Variants in SLC25A26 observed in about 807,000 individuals in gnomAD.
The protein encoded by SLC25A26 is mitochondrial S-adenosylmethionine carrier protein.
SLC25A26 carries 36 observed loss-of-function variants against 37.8 expected under a neutral mutation model. The ratio of observed to expected loss-of-function variants is 0.95; its 90% CI spans 0.73 to 1.26. The LOEUF is 1.26. SLC25A26 is among the 50% of genes most tolerant of loss of function. The pLI, the probability that SLC25A26 is intolerant of heterozygous loss-of-function variation, is 0.00. For synonymous variants in SLC25A26, 129 were observed against 122.5 expected, an observed-to-expected ratio of 1.05 and a Z score of -0.35; for missense variants, 390 against 331.1, an observed-to-expected ratio of 1.18 and a Z score of -1.38.
At chr3:66,334,829 G>A (rs1336032888) in intron 5 of SLC25A26, among the ~76,000 whole-genome samples, 4 of 151,432 alleles carry the variant, frequency 2.6e-5, no homozygotes, top group African/African-American at 9.7e-5. Flanking sequence ...TGTGATGTAT[G>A]CCACCGAGAT....
At chr3:66,207,237 G>T (rs1013315600) in intron 1 of SLC25A26, among the ~76,000 whole-genome samples, 13 of 152,104 alleles carry the variant, frequency 8.5e-5, no homozygotes, top group Non-Finnish European at 1.9e-4. Flanking sequence ...ACAAGGTATG[G>T]TGTGTCACTT....
At chr3:66,223,552 A>T (rs1227213932) in intron 1 of SLC25A26, among the ~76,000 whole-genome samples, 1 of 152,042 alleles carries the variant, frequency 6.6e-6, no homozygotes, top group Non-Finnish European at 1.5e-5. Flanking sequence ...CACAGTGAAC[A>T]CTCCTGAGGG....
At chr3:66,226,483 T>C (rs920182959) in intron 1 of SLC25A26, among the ~76,000 whole-genome samples, 11 of 149,812 alleles carry the variant, frequency 7.3e-5, no homozygotes, top group African/African-American at 2.4e-4. Context: ...GTTCTTTTCT[T>C]TTTTTTTTGA....
chr3:66,242,395 G>C (rs1365330726), intron 2 of SLC25A26, among the ~76,000 whole-genome samples: 1 of 152,144 alleles, frequency 6.6e-6, no homozygotes, highest in East Asian at 1.9e-4. Flanking sequence ...TCTTCATTTA[G>C]CCTAGTGTAT....
intron 1 of SLC25A26, among the ~76,000 whole-genome samples, chr3:66,193,960 C>T (rs2070994581): frequency 1.3e-5 from 2 of 152,132 alleles, no homozygotes; most frequent in African/African-American, 4.8e-5. Flanking sequence ...GTCAACTGAG[C>T]GTGCCTCAAC....
At chr3:66,206,944 G>T (rs1453526185) in intron 1 of SLC25A26, among the ~76,000 whole-genome samples, 1 of 149,152 alleles carries the variant, frequency 6.7e-6, no homozygotes, top group Non-Finnish European at 1.5e-5. Flanking sequence ...GTTGCCTGGC[G>T]GGGGAGGTGC....
rs1050668352 is a variant in SLC25A26, at chr3:66,262,128, G to C, written c.378G>C (p.Gln126His). 5 of 1,569,812 alleles carry C rather than the reference G, an allele frequency of 3.2e-6. No homozygotes were observed. The highest frequency in any genetic ancestry group is 1.4e-5 in the African/African-American group (1 of 73,928). The change falls in exon 4 of 10, where the codon CAG (glutamine) becomes CAC (histidine). Residue 126 changes from glutamine to histidine, a missense_variant. By Grantham distance (24) the Gln-to-His change is conservative (BLOSUM62 0). Transcript: ENST00000354883. Reference sequence around the variant, plus strand: ...TATCTGCTTCTACAAGAACATTTCAGATTTTCTCTAACATCTTATATGAAG... The same window carrying C: ...TATCTGCTTCTACAAGAACATTTCACATTTTCTCTAACATCTTATATGAAG... ...AQVSASTRTFQIFSNILYEEG... is the reference protein window; with the variant it reads ...AQVSASTRTFHIFSNILYEEG...
intron 5 of SLC25A26, among the ~76,000 whole-genome samples, chr3:66,305,775 G>T (rs1399438663): frequency 6.6e-6 from 1 of 152,124 alleles, no homozygotes; most frequent in Non-Finnish European, 1.5e-5. Context: ...ATGTGCGTGT[G>T]TCTTTGTAAT....
At chr3:66,236,505 C>G in intron 1 of SLC25A26, 39 bp from the exon 2 acceptor site, 1 of 1,267,598 alleles carries the variant, frequency 7.9e-7, no homozygotes, top group Non-Finnish European at 1.0e-6. Flanking sequence ...TTGTTGTAAC[C>G]TTTTTTTTTT....
At chr3:66,271,904 G>A (rs2073973668) in intron 5 of SLC25A26, among the ~76,000 whole-genome samples, 1 of 151,866 alleles carries the variant, frequency 6.6e-6, no homozygotes, top group Non-Finnish European at 1.5e-5. Context: ...GTTCTTTTGG[G>A]CACTAGTGTA....
intron 1 of SLC25A26, among the ~76,000 whole-genome samples, chr3:66,167,265 C>T (rs2070437683): frequency 6.6e-6 from 1 of 152,178 alleles, no homozygotes; most frequent in Non-Finnish European, 1.5e-5. Flanking sequence ...CACGATCTGA[C>T]GTCCACTTCA....
chr3:66,339,485 TTG>T (rs2076160917), intron 5 of SLC25A26, among the ~76,000 whole-genome samples: 1 of 152,004 alleles, frequency 6.6e-6, no homozygotes, highest in African/African-American at 2.4e-5. Context: ...TGCATATCCC[TTG>T]TTCACCAACA....
intron 6 of SLC25A26, among the ~76,000 whole-genome samples, chr3:66,348,442 G>C (rs565179123): frequency 6.6e-6 from 1 of 152,270 alleles, no homozygotes; most frequent in African/African-American, 2.4e-5. Flanking sequence ...CAAAAACTTT[G>C]AAAGCCCTTG....
chr3:66,197,293 A>G (rs1366695583), intron 1 of SLC25A26, among the ~76,000 whole-genome samples: 2 of 152,102 alleles, frequency 1.3e-5, no homozygotes, highest in East Asian at 3.9e-4. Context: ...CAGAGTCTGT[A>G]TGAGGATAGG....
At position 66,230,151 on chromosome 3, in the gene SLC25A26, A is replaced by G. The variant is rs138542758; in HGVS notation, c.34-6393A>G. Among the ~76,000 whole-genome samples, 1,002 of 143,086 alleles carry G rather than the reference A, an allele frequency of 7.0e-3. 8 individuals are homozygous for G. Among genetic ancestry groups the G allele is most frequent in the Non-Finnish European group, 9.1e-3 (600 of 66,204 alleles). The allele number at this position is 143,086 out of a possible 152,430, so 93.9% of individuals were successfully genotyped here. ...ACGTTTCTATTTTAGCACCCCTGCT[A>G]TATAAGAAACACTCGGTTAGATATT... is the stretch of plus-strand genomic sequence containing the variant. On this transcript the variant is annotated intron_variant, in intron 1 of 9. Transcript: ENST00000354883.
chr3:66,290,678 T>C (rs2074674030), intron 5 of SLC25A26, among the ~76,000 whole-genome samples: 1 of 152,194 alleles, frequency 6.6e-6, no homozygotes, highest in Non-Finnish European at 1.5e-5. Flanking sequence ...TTGATCATGG[T>C]GGATAAGCTT....
intron 5 of SLC25A26, among the ~76,000 whole-genome samples, chr3:66,266,576 C>CTTTTTTTTTT (rs1004250488): frequency 9.0e-6 from 1 of 111,558 alleles, no homozygotes; most frequent in African/African-American, 3.8e-5. Context: ...TGTTGTCACA[C>CTTTTTTTTTT]TTTTTTTTTT....
chr3:66,244,952 A>G (rs9829136), intron 3 of SLC25A26, among the ~76,000 whole-genome samples: 6,063 of 152,260 alleles, frequency 0.04, 390 homozygotes, highest in African/African-American at 0.14. Flanking sequence ...ACTCCAGCCT[A>G]GGCGACAGAG....
intron 5 of SLC25A26, among the ~76,000 whole-genome samples, chr3:66,282,649 C>G (rs1257078539): frequency 6.6e-6 from 1 of 152,128 alleles, no homozygotes. Flanking sequence ...ATTATTTCAT[C>G]TTTCCCATTT....
Sources: gnomAD v4.1 joint callset for allele counts (sites outside exome capture counted in the v4.1 genomes callset) on GRCh38, gnomAD v4.1.1 for gene constraint, MANE v1.5 for transcripts, NCBI Gene and HGNC (gene_info 2026-07-23, HGNC 2026-07-21) for gene names.